The following EIPR1 variants were observed in gnomAD, a reference collection of about 807,000 sequenced individuals.
EIPR1 encodes the protein EARP and GARP complex-interacting protein 1.
A neutral mutation model predicts 48.1 loss-of-function variants in EIPR1; 25 were observed. That is an observed-to-expected ratio of 0.52 (90% CI 0.38 to 0.73). EIPR1 has a LOEUF of 0.73. EIPR1 is among the 30% of genes least tolerant of loss of function. The probability of loss-of-function intolerance (pLI) is 0.00; values close to 1 mark genes in which losing one functional copy is unlikely to be tolerated. For missense variants in EIPR1, 415 were observed against 506.2 expected (o/e 0.82, Z 1.73); for synonymous variants, 204 against 201.9 (o/e 1.01, Z -0.09).
chr2:3,231,109 G>A (rs1666230229), intron 4 of EIPR1, among the ~76,000 whole-genome samples: 1 of 152,122 alleles, frequency 6.6e-6, no homozygotes, highest in Admixed American at 6.5e-5. Context: ...TTTTGATGCT[G>A]TTGTAAATGG....
At position 3,189,056 on chromosome 2, in the gene EIPR1, G is replaced by A. The variant is rs1014369630; in HGVS notation, c.*278C>T. 6 of 309,090 alleles carry A rather than the reference G, an allele frequency of 1.9e-5. No homozygotes were observed. The highest frequency in any genetic ancestry group is 8.6e-5 in the African/African-American group (4 of 46,688). The allele number at this position is 309,090 out of a possible 1,614,324, so 19.1% of individuals were successfully genotyped here. On this transcript the variant is annotated 3_prime_UTR_variant, in exon 9 of 9. Transcript: ENST00000382125. The surrounding 1 kb of genome is among the most constrained non-coding windows in gnomAD (Gnocchi z 4.6). ...AGGAACAGACATTTTTTTAAAAAGCGAAACTCCTGACACCCTTAAAACAGA... is the reference window on the plus strand; with the variant it reads ...AGGAACAGACATTTTTTTAAAAAGCAAAACTCCTGACACCCTTAAAACAGA...
At chr2:3,331,208 G>C (rs1221914793) in intron 3 of EIPR1, among the ~76,000 whole-genome samples, 1 of 121,370 alleles carries the variant, frequency 8.2e-6, no homozygotes, top group Non-Finnish European at 1.7e-5. Context: ...GCAGAGGCAG[G>C]TGTGTATACA....
intron 6 of EIPR1, among the ~76,000 whole-genome samples, chr2:3,196,559 C>T (rs916486561): frequency 5.3e-5 from 8 of 152,202 alleles, no homozygotes; most frequent in Admixed American, 2.6e-4. Context: ...TCATCAGACA[C>T]GGGCACCCTG....
intron 1 of EIPR1, among the ~76,000 whole-genome samples, chr2:3,367,045 A>C (rs1460897645): frequency 6.6e-6 from 1 of 152,090 alleles, no homozygotes; most frequent in African/African-American, 2.4e-5. Flanking sequence ...ACTCTGTCCC[A>C]AAAAATAAGT....
chr2:3,287,095 C>T (rs1668209627), intron 3 of EIPR1, among the ~76,000 whole-genome samples: 1 of 152,212 alleles, frequency 6.6e-6, no homozygotes, highest in Non-Finnish European at 1.5e-5. Flanking sequence ...TGGTGGGGAG[C>T]ACATCACACC....
rs114258485 is a variant in EIPR1, at chr2:3,330,333, A to G, written c.259+7684T>C. 5.3e-3 allele frequency among the ~76,000 whole-genome samples: 811 copies of G among 152,346 alleles called. 1 individual carries two copies. The highest frequency in any genetic ancestry group is 8.7e-3 in the Non-Finnish European group (595 of 68,038). On this transcript the variant is annotated intron_variant, in intron 3 of 8. Coordinates refer to ENST00000382125, the MANE Select transcript of EIPR1 (RefSeq NM_003310.5). ...AGTTTTCAAAATGGCTTGCACTAGT[A>G]TAACAGATCAAGTTAGGACACGGTC... is the stretch of plus-strand genomic sequence containing the variant.
At chr2:3,317,795 AGAG>A (rs1179291995) in intron 3 of EIPR1, among the ~76,000 whole-genome samples, 3 of 152,188 alleles carry the variant, frequency 2.0e-5, no homozygotes, top group Non-Finnish European at 4.4e-5. Context: ...GCACGTGCAC[AGAG>A]GAGAGGCCAC....
At chr2:3,257,560 G>C (rs1667199493) in intron 3 of EIPR1, 105 bp from the exon 4 acceptor site, 1 of 1,379,214 alleles carries the variant, frequency 7.3e-7, no homozygotes, top group Non-Finnish European at 9.9e-7. Context: ...GCGCGCATCT[G>C]CTCTTTAAAA....
At chr2:3,229,101 C>A (rs1301198430) in intron 4 of EIPR1, among the ~76,000 whole-genome samples, 1 of 152,220 alleles carries the variant, frequency 6.6e-6, no homozygotes, top group Non-Finnish European at 1.5e-5. Flanking sequence ...CAAGGAATAA[C>A]AAAATCTTGC....
At chr2:3,336,815 A>AGAAAAGAAAAG (rs1424773691) in intron 3 of EIPR1, among the ~76,000 whole-genome samples, 14 of 148,698 alleles carry the variant, frequency 9.4e-5, no homozygotes, top group Non-Finnish European at 1.6e-4. Flanking sequence ...GAAAAGGAAA[A>AGAAAAGAAAAG]GAAAAGAAAA....
intron 3 of EIPR1, chr2:3,319,247 G>C (rs34831477): frequency 0.25 from 81,237 of 320,874 alleles, 14,344 homozygotes; most frequent in East Asian, 0.66. Flanking sequence ...TTGAAGCCTT[G>C]TAGCTGTAGG....
chr2:3,241,096 C>G (rs373282523), intron 4 of EIPR1, among the ~76,000 whole-genome samples: 1 of 96,582 alleles, frequency 1.0e-5, no homozygotes, highest in South Asian at 3.4e-4. Flanking sequence ...CTTCCTAAAG[C>G]AAAGCCAGCA....
chr2:3,317,254 T>G (rs910996080), intron 3 of EIPR1, among the ~76,000 whole-genome samples: 1 of 150,918 alleles, frequency 6.6e-6, no homozygotes, highest in Admixed American at 6.6e-5. Flanking sequence ...GGACCTACTG[T>G]GCGCCTTGCA....
intron 2 of EIPR1, 113 bp downstream of exon 2, chr2:3,354,437 T>G (rs550330655): frequency 1.1e-6 from 1 of 878,780 alleles, no homozygotes; most frequent in Admixed American, 2.6e-5. Flanking sequence ...AAGTTTTATT[T>G]TGTTTATGTG....
Position 3,220,922 on chromosome 2 carries a change from T to C in EIPR1, c.417-6674A>G, listed in dbSNP as rs546144265. Among the ~76,000 whole-genome samples the C allele has an allele frequency of 6.7e-4, 92 of 137,064 alleles. 1 individual carries two copies. The highest frequency in any genetic ancestry group is 8.9e-4 in the Non-Finnish European group (57 of 64,078). 89.9% of individuals were successfully genotyped at this position (137,064 alleles called of 152,430 possible). A position where few individuals can be genotyped will look rare whatever the true frequency, so the allele number is the denominator to read the frequency against. ...TAAGGACACATGCACACAATGGCCA[T>C]GGTACATTTTACAGCATTTATAGTC... On this transcript the variant is annotated intron_variant, in intron 4 of 8. Coordinates refer to ENST00000382125, the MANE Select transcript of EIPR1 (RefSeq NM_003310.5).
At chr2:3,324,817 G>C (rs1016044025) in intron 3 of EIPR1, among the ~76,000 whole-genome samples, 50 of 150,684 alleles carry the variant, frequency 3.3e-4, no homozygotes, top group African/African-American at 1.1e-3. Context: ...CGAAGTGGCC[G>C]CTGCCGCGCC....
At chr2:3,343,370 GAGAA>G (rs1334324509) in intron 2 of EIPR1, among the ~76,000 whole-genome samples, 1 of 152,226 alleles carries the variant, frequency 6.6e-6, no homozygotes, top group Non-Finnish European at 1.5e-5. Context: ...CAAGCAATGC[GAGAA>G]AGAAACACCG....
chr2:3,377,711 C>A lies in EIPR1; in HGVS notation c.-22G>T. The A allele has an allele frequency of 1.3e-6, 2 of 1,571,348 alleles. No individual in the cohort carries two copies. The highest frequency in any genetic ancestry group is 8.6e-7 in the Non-Finnish European group (1 of 1,157,818). ...CCATGCTGCGGGGAAGCGACCCGAC[C>A]CCGGCCACTCACACGCTAAGGACCT... On this transcript the variant is annotated 5_prime_UTR_variant, in exon 1 of 9. Transcript: ENST00000382125.
intron 3 of EIPR1, among the ~76,000 whole-genome samples, chr2:3,295,835 G>GCA (rs1157220957): frequency 2.5e-5 from 1 of 39,550 alleles, no homozygotes; most frequent in Non-Finnish European, 4.8e-5. Flanking sequence ...TCCTCTCCCT[G>GCA]CACACACACA....
Sources: gnomAD v4.1 joint callset for allele counts (sites outside exome capture counted in the v4.1 genomes callset) on GRCh38, gnomAD v4.1.1 for gene constraint, Gnocchi (gnomAD v3.1) non-coding constraint, MANE v1.5 for transcripts, NCBI Gene and HGNC (gene_info 2026-07-23, HGNC 2026-07-21) for gene names.